SLC7A9: variants seen among roughly 807,000 people sequenced by gnomAD.
SLC7A9 encodes the protein solute carrier family 7 member 9, also known as B(0,+)-type amino acid transporter 1.
In SLC7A9, 38 loss-of-function variants were observed where a neutral mutation model predicts 54.1. The observed-to-expected ratio is 0.70, with a 90% CI of 0.54 to 0.92. The LOEUF (loss-of-function observed/expected upper bound fraction) is 0.92, where lower values mean the gene tolerates loss of function less well. Among genes scored for constraint, SLC7A9 ranks in the 40% least tolerant of loss-of-function variants. The pLI, the probability that SLC7A9 is intolerant of heterozygous loss-of-function variation, is 0.00. For missense variants in SLC7A9, 537 were observed against 636.1 expected (o/e 0.84, Z 1.68); for synonymous variants, 264 against 258.9 (o/e 1.02, Z -0.19).
intron 2 of SLC7A9, among the ~76,000 whole-genome samples, chr19:32,866,385 A>G (rs565465735): frequency 6.6e-6 from 1 of 152,262 alleles, no homozygotes; most frequent in African/African-American, 2.4e-5. Flanking sequence ...TGAGGTCTGC[A>G]TTCGCCCTGA....
intron 10 of SLC7A9, among the ~76,000 whole-genome samples, chr19:32,842,927 G>A (rs975841368): frequency 1.3e-5 from 2 of 152,096 alleles, no homozygotes; most frequent in Non-Finnish European, 2.9e-5. Flanking sequence ...TTCAATGTGG[G>A]CTGGGGCCCT....
At chr19:32,868,698 C>G (rs1019621312) in intron 1 of SLC7A9, 53 bp from the exon 2 acceptor site, 8 of 692,288 alleles carry the variant, frequency 1.2e-5, no homozygotes, top group Admixed American at 4.0e-5. Flanking sequence ...CTGCCAGTCC[C>G]TCAGGGCTCA....
chr19:32,830,522 T>C lies in SLC7A9; in HGVS notation c.*98A>G, dbSNP rs981813645. 9.9e-6 allele frequency: 9 copies of C among 908,612 alleles called. No individual in the cohort carries two copies. The highest frequency in any genetic ancestry group is 5.2e-5 in the Admixed American group (3 of 57,364). The allele number at this position is 908,612 out of a possible 1,614,324, so 56.3% of individuals were successfully genotyped here. A position where few individuals can be genotyped will look rare whatever the true frequency, so the allele number is the denominator to read the frequency against. On this transcript the variant is annotated 3_prime_UTR_variant, in exon 13 of 13. Transcript: ENST00000023064. ...TAAAAATAACAATATTTTAAACATC[T>C]GAGTATATTTTATTCGTAAGAAAAA...
chr19:32,830,685 C>G lies in SLC7A9; in HGVS notation c.1400-1G>C. The stretch of plus-strand genomic sequence containing the variant: ...ATCTGAAGGTGCATGGTAATCGGCT[C>G]TGAAATAAGAGTCAAAAATGAGTAC... On this transcript the variant is annotated splice_acceptor_variant, in intron 12 of 12. Transcript: ENST00000023064. LOFTEE classifies it high-confidence loss of function. 6.2e-7 allele frequency: 1 copy of G among 1,613,568 alleles called. No individual in the cohort carries two copies. Among genetic ancestry groups the G allele is most frequent in the Non-Finnish European group, 8.5e-7 (1 of 1,179,534 alleles).
chr19:32,863,287 CCTG>C (rs1968861894), intron 4 of SLC7A9, among the ~76,000 whole-genome samples: 1 of 151,734 alleles, frequency 6.6e-6, no homozygotes, highest in Non-Finnish European at 1.5e-5. Flanking sequence ...CCTCCCCCGC[CCTG>C]CTAATTTTTG....
intron 6 of SLC7A9, 42 bp from the exon 7 acceptor site, chr19:32,860,692 C>G: frequency 2.5e-6 from 4 of 1,613,050 alleles, no homozygotes; most frequent in Non-Finnish European, 3.4e-6. Context: ...CCTTGACTTT[C>G]TTTTTCGATA....
At chr19:32,846,749 C>A (rs1968308656) in intron 9 of SLC7A9, among the ~76,000 whole-genome samples, 1 of 152,222 alleles carries the variant, frequency 6.6e-6, no homozygotes, top group Admixed American at 6.5e-5. Context: ...CCCCAGCAGC[C>A]TAACTGGGAG....
At chr19:32,835,856 T>C (rs1371382323) in intron 11 of SLC7A9, among the ~76,000 whole-genome samples, 1 of 152,110 alleles carries the variant, frequency 6.6e-6, no homozygotes, top group Non-Finnish European at 1.5e-5. Context: ...ATATGTCCTG[T>C]CATCATTACT....
At chr19:32,865,145 T>A (rs1968930654) in intron 2 of SLC7A9, among the ~76,000 whole-genome samples, 1 of 152,094 alleles carries the variant, frequency 6.6e-6, no homozygotes, top group African/African-American at 2.4e-5. Context: ...AAGGCTGACT[T>A]GGCAACAGCT....
intron 2 of SLC7A9, among the ~76,000 whole-genome samples, chr19:32,865,717 T>C (rs1968946730): frequency 6.6e-6 from 1 of 151,964 alleles, no homozygotes; most frequent in East Asian, 1.9e-4. Flanking sequence ...ATGCCTGTAA[T>C]CCCAGCACTT....
chr19:32,835,040 T>C (rs1172986132), intron 11 of SLC7A9, among the ~76,000 whole-genome samples: 1 of 152,240 alleles, frequency 6.6e-6, no homozygotes, highest in Non-Finnish European at 1.5e-5. Flanking sequence ...TCTGCCCATC[T>C]TGGCCTCCCA....
At chr19:32,859,061 A>C (rs148151859) in intron 8 of SLC7A9, among the ~76,000 whole-genome samples, 2,626 of 151,826 alleles carry the variant, frequency 0.017, 70 homozygotes, top group African/African-American at 0.059. Flanking sequence ...TGCTGGGATT[A>C]CAGGCATGAG....
intron 6 of SLC7A9, among the ~76,000 whole-genome samples, chr19:32,860,993 A>C (rs867047808): frequency 1.3e-5 from 2 of 152,222 alleles, no homozygotes; most frequent in Admixed American, 6.5e-5. Flanking sequence ...GCTTTGCAGG[A>C]GAGAAGGACC....
Position 32,864,543 on chromosome 19 carries a change from G to A in SLC7A9, c.235+86C>T, listed in dbSNP as rs1341679623. 9 of 1,569,210 alleles carry A rather than the reference G, an allele frequency of 5.7e-6. No individual in the cohort carries two copies. In the Admixed American group the frequency reaches 1.2e-4, roughly 20 times the overall value. ...CATACATGTGCCAAGAGGGATACTG[G>A]CAGGGTGAGGGCTGGCACAGGTAGC... On this transcript the variant is annotated intron_variant, in intron 3 of 12. Transcript: ENST00000023064.
intron 7 of SLC7A9, 70 bp from the exon 8 acceptor site, chr19:32,860,034 T>C (rs769104152): frequency 3.0e-5 from 49 of 1,612,388 alleles, no homozygotes; most frequent in Non-Finnish European, 4.1e-5. Context: ...ACGCCCTCCC[T>C]GAGGCCCTCC....
At chr19:32,838,593 G>A (rs912268535) in intron 11 of SLC7A9, among the ~76,000 whole-genome samples, 8 of 145,954 alleles carry the variant, frequency 5.5e-5, no homozygotes, top group Admixed American at 1.4e-4. Flanking sequence ...ATATAAAAAC[G>A]TATATTATAC....
At chr19:32,856,317 C>T (rs1472328621) in intron 9 of SLC7A9, among the ~76,000 whole-genome samples, 1 of 151,342 alleles carries the variant, frequency 6.6e-6, no homozygotes, top group Non-Finnish European at 1.5e-5. Context: ...TCCTCAGCCT[C>T]CCAAGTAGCT....
At position 32,859,731 on chromosome 19, in the gene SLC7A9, G is replaced by A. The variant is rs558335821; in HGVS notation, c.873+110C>T. ...GCGTGCCCAGTCCATGTCCCCGTCCGTGAATATCGCCCTCCTTCCCTGGGA... is the reference window on the plus strand; with the variant it reads ...GCGTGCCCAGTCCATGTCCCCGTCCATGAATATCGCCCTCCTTCCCTGGGA... On this transcript the variant is annotated intron_variant, in intron 8 of 12. Transcript: ENST00000023064. The A allele has an allele frequency of 4.7e-5, 46 of 984,254 alleles. 1 individual carries two copies. The highest frequency in any genetic ancestry group is 1.7e-4 in the South Asian group (13 of 77,500). 61.0% of individuals were successfully genotyped at this position (984,254 alleles called of 1,614,324 possible).
chr19:32,859,437 C>T (rs945287515), intron 8 of SLC7A9, among the ~76,000 whole-genome samples: 1 of 152,132 alleles, frequency 6.6e-6, no homozygotes, highest in African/African-American at 2.4e-5. Flanking sequence ...ATCCCCAACA[C>T]GTGGTTGTCT....
Sources: gnomAD v4.1 joint callset for allele counts (sites outside exome capture counted in the v4.1 genomes callset) on GRCh38, gnomAD v4.1.1 for gene constraint, MANE v1.5 for transcripts, NCBI Gene and HGNC (gene_info 2026-07-23, HGNC 2026-07-21) for gene names.